Variants in PCDH9 observed in about 807,000 individuals in gnomAD.
PCDH9 encodes protocadherin 9.
In PCDH9, 24 loss-of-function variants were observed where a neutral mutation model predicts 70.6. That is an observed-to-expected ratio of 0.34 (90% CI 0.25 to 0.48). PCDH9 has a LOEUF of 0.48. Among genes scored for constraint, PCDH9 ranks in the 20% least tolerant of loss-of-function variants. The pLI, the probability that PCDH9 is intolerant of heterozygous loss-of-function variation, is 0.99. For synonymous variants in PCDH9, 562 were observed against 558.5 expected, an observed-to-expected ratio of 1.01 and a Z score of -0.09; for missense variants, 1,281 against 1,503.6, an observed-to-expected ratio of 0.85 and a Z score of 2.45.
At chr13:66,417,470 T>C (rs372279079) in intron 4 of PCDH9, among the ~76,000 whole-genome samples, 7 of 152,312 alleles carry the variant, frequency 4.6e-5, no homozygotes, top group East Asian at 1.9e-4. Context: ...CTATTGTGAA[T>C]AGTGCCATAA....
intron 3 of PCDH9, among the ~76,000 whole-genome samples, chr13:66,632,054 C>T (rs532970422): frequency 6.6e-6 from 1 of 152,028 alleles, no homozygotes; most frequent in Non-Finnish European, 1.5e-5. Flanking sequence ...CCACCATGCC[C>T]GGCTGAATTT....
intron 3 of PCDH9, among the ~76,000 whole-genome samples, chr13:66,737,620 C>T (rs899230553): frequency 3.3e-5 from 5 of 152,138 alleles, no homozygotes; most frequent in Non-Finnish European, 4.4e-5. Flanking sequence ...AGACAGTGGG[C>T]GCAGGCCAGT....
chr13:66,704,200 A>C (rs1222078725), intron 3 of PCDH9, among the ~76,000 whole-genome samples: 1 of 152,230 alleles, frequency 6.6e-6, no homozygotes, highest in Non-Finnish European at 1.5e-5. Flanking sequence ...TAAAACAACA[A>C]GCTTGTTCAT....
At chr13:66,666,353 G>C (rs544163194) in intron 3 of PCDH9, among the ~76,000 whole-genome samples, 1 of 152,174 alleles carries the variant, frequency 6.6e-6, no homozygotes, top group Non-Finnish European at 1.5e-5. Flanking sequence ...ATGTCTGGTC[G>C]TGGTTCCAGC....
intron 2 of PCDH9, among the ~76,000 whole-genome samples, chr13:67,131,054 A>C (rs1294475762): frequency 6.6e-6 from 1 of 152,328 alleles, no homozygotes; most frequent in South Asian, 2.1e-4. Context: ...GTGCTGGTAG[A>C]TTAAAATACA....
At chr13:66,787,090 G>A (rs1290785088) in intron 3 of PCDH9, among the ~76,000 whole-genome samples, 1 of 152,176 alleles carries the variant, frequency 6.6e-6, no homozygotes, top group Non-Finnish European at 1.5e-5. Context: ...TAGGTGGGAA[G>A]TAGAATAAAT....
intron 2 of PCDH9, among the ~76,000 whole-genome samples, chr13:66,962,292 G>T (rs1050218187): frequency 6.6e-6 from 1 of 152,178 alleles, no homozygotes; most frequent in Non-Finnish European, 1.5e-5. Flanking sequence ...GGTAGATAGG[G>T]ATCTTAGGTA....
At chr13:66,755,031 C>T (rs1314587873) in intron 3 of PCDH9, among the ~76,000 whole-genome samples, 2 of 152,084 alleles carry the variant, frequency 1.3e-5, no homozygotes. Flanking sequence ...GCTTGTAATG[C>T]ACTTTGGGGA....
At chr13:67,021,152 A>G (rs1276362596) in intron 2 of PCDH9, among the ~76,000 whole-genome samples, 3 of 152,340 alleles carry the variant, frequency 2.0e-5, no homozygotes, top group Non-Finnish European at 4.4e-5. Flanking sequence ...TAAGTTACCC[A>G]ATACAGACCT....
intron 2 of PCDH9, among the ~76,000 whole-genome samples, chr13:66,979,227 A>G (rs764514396): frequency 6.6e-6 from 1 of 152,130 alleles, no homozygotes; most frequent in Non-Finnish European, 1.5e-5. Context: ...GCATGCAAAG[A>G]TGGAGCCTAG....
chr13:66,650,289 G>A (rs1450742669), intron 3 of PCDH9, among the ~76,000 whole-genome samples: 1 of 151,874 alleles, frequency 6.6e-6, no homozygotes, highest in Non-Finnish European at 1.5e-5. Context: ...GATAGGAAAA[G>A]TCATTCTATG....
intron 4 of PCDH9, among the ~76,000 whole-genome samples, chr13:66,600,592 T>G (rs939596738): frequency 6.6e-6 from 1 of 151,894 alleles, no homozygotes; most frequent in Admixed American, 6.6e-5. Context: ...GTCTGTTGCA[T>G]ATCCTGCACA....
intron 4 of PCDH9, among the ~76,000 whole-genome samples, chr13:66,596,792 A>G (rs1416642704): frequency 3.4e-5 from 5 of 148,192 alleles, no homozygotes; most frequent in East Asian, 1.9e-4. Context: ...ATTTTTCCCC[A>G]ATTAACCTCT....
chr13:66,741,228 C>T (rs2079258943), intron 3 of PCDH9, among the ~76,000 whole-genome samples: 1 of 5,056 alleles, frequency 2.0e-4, no homozygotes, highest in Non-Finnish European at 0.014. Flanking sequence ...TAAACAGAGC[C>T]AAAGACAAAA....
At chr13:66,799,530 T>C (rs1256758227) in intron 3 of PCDH9, among the ~76,000 whole-genome samples, 1 of 152,166 alleles carries the variant, frequency 6.6e-6, no homozygotes, top group African/African-American at 2.4e-5. Flanking sequence ...GATAGCAATA[T>C]TCAGTAATTA....
At chr13:66,540,730 GA>G (rs1322280352) in intron 4 of PCDH9, among the ~76,000 whole-genome samples, 1 of 152,180 alleles carries the variant, frequency 6.6e-6, no homozygotes, top group Admixed American at 6.5e-5. Context: ...TTATGCCTTA[GA>G]TATACAATAA....
chr13:66,918,483 T>G (rs1179580854), intron 2 of PCDH9, among the ~76,000 whole-genome samples: 3 of 151,218 alleles, frequency 2.0e-5, no homozygotes, highest in African/African-American at 7.3e-5. Flanking sequence ...TTATTATTGT[T>G]TTTGATGGTA....
At chr13:67,064,826 C>T (rs565940959) in intron 2 of PCDH9, among the ~76,000 whole-genome samples, 118 of 152,048 alleles carry the variant, frequency 7.8e-4, no homozygotes, top group Non-Finnish European at 1.5e-3. Flanking sequence ...TCCCTTAGGG[C>T]ATTCAAAGGG....
chr13:67,209,669 A>G (rs1266723867), intron 2 of PCDH9: 3 of 152,142 alleles, frequency 2.0e-5, no homozygotes, highest in Non-Finnish European at 4.4e-5. Flanking sequence ...ATTCAGAACC[A>G]TCCTGTGGGT....
Sources: allele counts gnomAD v4.1 joint callset (sites outside exome capture counted in the v4.1 genomes callset), GRCh38; gene constraint gnomAD v4.1.1; transcripts MANE v1.5; gene names NCBI Gene and HGNC (gene_info 2026-07-23, HGNC 2026-07-21).